FHIT: variants seen among roughly 807,000 people sequenced by gnomAD.
FHIT encodes the protein fragile histidine triad diadenosine triphosphatase.
A neutral mutation model predicts 17.9 loss-of-function variants in FHIT; 19 were observed. The ratio of observed to expected loss-of-function variants is 1.06; its 90% CI spans 0.74 to 1.56. The LOEUF is 1.56. Among genes scored for constraint, FHIT ranks in the 40% most tolerant of loss-of-function variants. The pLI is 0.00. For missense variants in FHIT, 248 were observed against 189.2 expected (o/e 1.31, Z -1.82); for synonymous variants, 81 against 69.7 (o/e 1.16, Z -0.81).
chr3:60,492,507 CA>C (rs1303614274), intron 5 of FHIT, among the ~76,000 whole-genome samples: 1 of 149,834 alleles, frequency 6.7e-6, no homozygotes, highest in Non-Finnish European at 1.5e-5. Context: ...TGAAAGATGG[CA>C]TTTTTTTTTT....
At chr3:60,838,716 G>T (rs559536961) in intron 3 of FHIT, among the ~76,000 whole-genome samples, 2 of 151,998 alleles carry the variant, frequency 1.3e-5, no homozygotes, top group South Asian at 4.2e-4. Context: ...CAATAAACCG[G>T]ATCCTATCGA....
At chr3:59,866,193 G>A (rs10222574) in intron 8 of FHIT, among the ~76,000 whole-genome samples, 6 of 152,066 alleles carry the variant, frequency 3.9e-5, no homozygotes, top group Non-Finnish European at 7.4e-5. Flanking sequence ...CTGGGGTTTG[G>A]TGGGGAATCT....
intron 5 of FHIT, among the ~76,000 whole-genome samples, chr3:60,438,090 G>A (rs1393651258): frequency 6.6e-6 from 1 of 151,938 alleles, no homozygotes; most frequent in Non-Finnish European, 1.5e-5. Flanking sequence ...CTTGGGATAT[G>A]GCAACTGTGG....
chr3:60,781,746 T>C (rs530197579), intron 4 of FHIT, among the ~76,000 whole-genome samples: 1 of 152,284 alleles, frequency 6.6e-6, no homozygotes, highest in South Asian at 2.1e-4. Flanking sequence ...TAACAAGAAG[T>C]ACCACTTGGC....
chr3:60,648,212 T>C (rs2039907079), intron 4 of FHIT, among the ~76,000 whole-genome samples: 1 of 152,200 alleles, frequency 6.6e-6, no homozygotes, highest in African/African-American at 2.4e-5. Flanking sequence ...ATTTATCAGG[T>C]AATTGGAAGC....
At chr3:59,926,973 C>T (rs1347582295) in intron 7 of FHIT, among the ~76,000 whole-genome samples, 2 of 152,098 alleles carry the variant, frequency 1.3e-5, no homozygotes, top group African/African-American at 4.8e-5. Flanking sequence ...GATCCTAATA[C>T]ATACCCAAGA....
intron 5 of FHIT, among the ~76,000 whole-genome samples, chr3:60,307,796 G>C (rs563252629): frequency 6.6e-6 from 1 of 152,274 alleles, no homozygotes; most frequent in Admixed American, 6.5e-5. Context: ...CTGGAGCTCA[G>C]ATGCTGTCTG....
In FHIT at chr3:59,912,326, G is replaced by A. The variant is rs545388469; in HGVS notation, c.348+10020C>T. Among the ~76,000 whole-genome samples the A allele has an allele frequency of 6.6e-5, 10 of 152,272 alleles. No homozygotes were observed. In the South Asian group the frequency reaches 8.3e-4, roughly 13 times the overall value. Reference sequence around the variant, plus strand: ...GGAAAGAAGGTAAATGGTAGACACCGCATGTGGATGGAAAATAATTTAGGA... The same window carrying A: ...GGAAAGAAGGTAAATGGTAGACACCACATGTGGATGGAAAATAATTTAGGA... On this transcript the variant is annotated intron_variant, in intron 8 of 9. Transcript: ENST00000492590.
chr3:59,955,958 A>G (rs1707373415), intron 7 of FHIT, among the ~76,000 whole-genome samples: 1 of 152,178 alleles, frequency 6.6e-6, no homozygotes, highest in East Asian at 1.9e-4. Context: ...TCTGTGTTCC[A>G]TCCATCAGTG....
intron 8 of FHIT, among the ~76,000 whole-genome samples, chr3:59,810,516 A>G (rs1258726264): frequency 6.6e-6 from 1 of 152,240 alleles, no homozygotes; most frequent in Non-Finnish European, 1.5e-5. Flanking sequence ...CAATAGCGGT[A>G]GAATAAGAAA....
chr3:60,838,289 A>G (rs1022919745), intron 3 of FHIT, among the ~76,000 whole-genome samples: 1 of 152,076 alleles, frequency 6.6e-6, no homozygotes, highest in Admixed American at 6.5e-5. Context: ...CCTGGGCAAC[A>G]CGGTGAAACC....
chr3:60,791,652 CAATAT>C (rs1553728488), intron 4 of FHIT, among the ~76,000 whole-genome samples: 1 of 152,116 alleles, frequency 6.6e-6, no homozygotes, highest in Non-Finnish European at 1.5e-5. Flanking sequence ...AATGCAGAAA[CAATAT>C]AATACACCTG....
intron 5 of FHIT, among the ~76,000 whole-genome samples, chr3:60,351,313 A>G (rs895392767): frequency 2.6e-5 from 4 of 152,196 alleles, no homozygotes; most frequent in Non-Finnish European, 5.9e-5. Context: ...AGGAAGCAAT[A>G]CATTGAATTA....
At chr3:60,502,440 C>T (rs527788622) in intron 5 of FHIT, among the ~76,000 whole-genome samples, 123 of 152,286 alleles carry the variant, frequency 8.1e-4, no homozygotes, top group African/African-American at 2.8e-3. Context: ...AAATCATTGG[C>T]TGGTCTCCTC....
rs187049217 is a variant in FHIT, at chr3:60,517,662, T to G, written c.103+19198A>C. The stretch of plus-strand genomic sequence containing the variant: ...AAATTATATTAAACATAATCTAGAA[T>G]GTAAAACAGCACCATAACGTCATAT... On this transcript the variant is annotated intron_variant, in intron 5 of 9. Transcript: ENST00000492590. Among the ~76,000 whole-genome samples, 5 of 152,318 alleles carry G rather than the reference T, an allele frequency of 3.3e-5. No individual in the cohort carries two copies. In the East Asian group the frequency reaches 9.6e-4, roughly 29 times the overall value.
chr3:61,075,687 A>T (rs2034951485), intron 2 of FHIT, among the ~76,000 whole-genome samples: 2 of 152,072 alleles, frequency 1.3e-5, no homozygotes, highest in South Asian at 4.1e-4. Context: ...AAAGCACTCC[A>T]TATACATTTT....
intron 5 of FHIT, among the ~76,000 whole-genome samples, chr3:60,327,980 T>G (rs1453280445): frequency 1.3e-5 from 2 of 152,184 alleles, no homozygotes; most frequent in African/African-American, 4.8e-5. Flanking sequence ...CCCAGAGCCC[T>G]GTGAGAGCTA....
rs148159905 is a variant in FHIT, at chr3:59,807,966, T to C, written c.349-55645A>G. ...TCCACCATTTAGCCATTTTAAAGTA[T>C]ATCGTTCAGTGGCATTTAGTGCATT... On this transcript the variant is annotated intron_variant, in intron 8 of 9. Coordinates refer to ENST00000492590, the MANE Select transcript of FHIT (RefSeq NM_002012.4). Among the ~76,000 whole-genome samples the C allele has an allele frequency of 3.8e-3, 583 of 152,306 alleles. 3 individuals are homozygous for C. Among genetic ancestry groups the C allele is most frequent in the African/African-American group, 0.013 (550 of 41,572 alleles).
chr3:60,284,586 T>A (rs1295894165), intron 5 of FHIT, among the ~76,000 whole-genome samples: 2 of 152,086 alleles, frequency 1.3e-5, no homozygotes, highest in African/African-American at 2.4e-5. Flanking sequence ...GCTACACTTT[T>A]TTAATTTATT....
Sources: gnomAD v4.1 joint callset for allele counts (sites outside exome capture counted in the v4.1 genomes callset) on GRCh38, gnomAD v4.1.1 for gene constraint, MANE v1.5 for transcripts, NCBI Gene and HGNC (gene_info 2026-07-23, HGNC 2026-07-21) for gene names.